The following TET3 variants were observed in gnomAD, a reference collection of about 807,000 sequenced individuals.
TET3 encodes methylcytosine dioxygenase TET3.
In TET3, 19 loss-of-function variants were observed where a neutral mutation model predicts 141.4. The ratio of observed to expected loss-of-function variants is 0.13; its 90% CI spans 0.09 to 0.20. The LOEUF (loss-of-function observed/expected upper bound fraction) is 0.20. Among genes scored for constraint, TET3 ranks in the 10% least tolerant of loss-of-function variants. The pLI, the probability that TET3 is intolerant of heterozygous loss-of-function variation, is 1.00. For synonymous variants in TET3, 1,043 were observed against 980.9 expected (o/e 1.06, Z -1.18); for missense variants, 1,874 against 2,356.9 (o/e 0.80, Z 4.24).
chr2:74,085,644 A>G (rs1690085730), intron 6 of TET3, among the ~76,000 whole-genome samples: 1 of 113,722 alleles, frequency 8.8e-6, no homozygotes, highest in African/African-American at 4.6e-5. Context: ...TCATGCTCCT[A>G]TGAGAATCTA....
intron 3 of TET3, among the ~76,000 whole-genome samples, chr2:74,020,542 G>C (rs115869093): frequency 5.9e-5 from 9 of 152,328 alleles, no homozygotes; most frequent in Non-Finnish European, 1.0e-4. Flanking sequence ...TTCCTTGATG[G>C]AGCTGTCTGG....
chr2:74,098,708 C>T (rs1391269942), intron 10 of TET3, among the ~76,000 whole-genome samples: 1 of 151,612 alleles, frequency 6.6e-6, no homozygotes, highest in African/African-American at 2.4e-5. Context: ...ATTCTCCTGT[C>T]TCAGCCTCCC....
chr2:74,059,406 C>G (rs1478189954), intron 4 of TET3, among the ~76,000 whole-genome samples: 3 of 152,242 alleles, frequency 2.0e-5, no homozygotes, highest in Non-Finnish European at 4.4e-5. Flanking sequence ...GCATGCGCCA[C>G]CACACCTGGC....
chr2:74,065,824 C>A (rs1271170836), intron 4 of TET3, among the ~76,000 whole-genome samples: 1 of 151,278 alleles, frequency 6.6e-6, no homozygotes, highest in Non-Finnish European at 1.5e-5. Context: ...AGTGGTGCGA[C>A]CTCAGCTCAC....
chr2:74,067,492 T>C (rs1273448659), intron 4 of TET3, among the ~76,000 whole-genome samples: 2 of 152,236 alleles, frequency 1.3e-5, no homozygotes, highest in Admixed American at 1.3e-4. Context: ...AAGTAACTCA[T>C]TGTAGTTGCC....
chr2:74,132,894 T>A, the TET3 span, among the ~76,000 whole-genome samples: 1 of 151,942 alleles, frequency 6.6e-6, no homozygotes, highest in Non-Finnish European at 1.5e-5. Flanking sequence ...CTTTTCTTTT[T>A]TTTTGTTCTT....
intron 7 of TET3, 43 bp downstream of exon 7, chr2:74,088,081 T>C: frequency 6.5e-7 from 1 of 1,529,972 alleles, no homozygotes; most frequent in Non-Finnish European, 8.8e-7. Flanking sequence ...ACCTATAGGG[T>C]CCTGGGCAGC....
At position 74,080,854 on chromosome 2, in the gene TET3, G is replaced by A. The variant is rs190306841; in HGVS notation, c.2679+263G>A. On this transcript the variant is annotated intron_variant, in intron 6 of 11. Transcript: ENST00000409262. ...ATGCCAGTCCCCGAGTCTTGGGTCA[G>A]CCTTGGAACTGTGTTAGTCTTCACA... Among the ~76,000 whole-genome samples, 411 of 152,294 alleles carry A rather than the reference G, an allele frequency of 2.7e-3. 3 individuals carry two copies. Among genetic ancestry groups the A allele is most frequent in the Middle Eastern group, 0.017 (5 of 294 alleles).
downstream of TET3, among the ~76,000 whole-genome samples, chr2:74,109,624 C>T (rs772585879): frequency 2.0e-5 from 3 of 152,232 alleles, no homozygotes; most frequent in Admixed American, 6.5e-5. Flanking sequence ...CGCTGAGAAG[C>T]GTTGCAGTAA....
At chr2:74,091,725 C>G (rs567811462) in intron 8 of TET3, among the ~76,000 whole-genome samples, 62 of 152,354 alleles carry the variant, frequency 4.1e-4, no homozygotes, top group African/African-American at 1.5e-3. Context: ...TCTCTTTCCT[C>G]TCTTCCTGCT....
intron 4 of TET3, among the ~76,000 whole-genome samples, chr2:74,052,542 C>T (rs1687999973): frequency 8.2e-6 from 1 of 121,994 alleles, no homozygotes; most frequent in African/African-American, 3.4e-5. Flanking sequence ...TAAAAGCATA[C>T]AAGTTCCTAT....
chr2:74,029,599 A>G (rs945923620), intron 3 of TET3, among the ~76,000 whole-genome samples: 3 of 152,220 alleles, frequency 2.0e-5, no homozygotes, highest in Non-Finnish European at 4.4e-5. Context: ...TGTATGTTGC[A>G]TAGTTAAAAA....
chr2:74,135,399 A>G, the TET3 span: 9 of 903,528 alleles, frequency 1.0e-5, no homozygotes, highest in Non-Finnish European at 1.4e-5. Flanking sequence ...AACATTACTA[A>G]TGACCCTTCA....
At chr2:74,052,434 G>A (rs1228151150) in intron 4 of TET3, among the ~76,000 whole-genome samples, 1 of 151,868 alleles carries the variant, frequency 6.6e-6, no homozygotes, top group Non-Finnish European at 1.5e-5. Context: ...AGAGTTATAG[G>A]TTAATATAAG....
At chr2:74,040,883 G>A (rs1456135999) in intron 3 of TET3, among the ~76,000 whole-genome samples, 1 of 152,124 alleles carries the variant, frequency 6.6e-6, no homozygotes, top group African/African-American at 2.4e-5. Flanking sequence ...CAACAGAGCA[G>A]CAAGACCCTG....
At position 73,986,104 on chromosome 2, in the gene TET3, G is replaced by A; in HGVS notation, c.-300G>A. On this transcript the variant is annotated 5_prime_UTR_variant, in exon 2 of 12. In the 5' UTR this introduces an upstream ATG that the reference lacks. Transcript: ENST00000409262. Reference sequence around the variant, plus strand: ...ATGCCTGGGTCCAGGGTGGGTGAGGGTGAAGAACCCACCGGGCCAAGATGA... The same window carrying A: ...ATGCCTGGGTCCAGGGTGGGTGAGGATGAAGAACCCACCGGGCCAAGATGA... 1 of 263,706 alleles carries A rather than the reference G, an allele frequency of 3.8e-6. No homozygotes were observed. The highest frequency in any genetic ancestry group is 1.7e-4 in the South Asian group (1 of 5,876). The allele number at this position is 263,706 out of a possible 1,614,324, so 16.3% of individuals were successfully genotyped here. A position where few individuals can be genotyped will look rare whatever the true frequency, so the allele number is the denominator to read the frequency against.
At chr2:74,041,540 A>G (rs1687337781) in intron 3 of TET3, among the ~76,000 whole-genome samples, 1 of 152,220 alleles carries the variant, frequency 6.6e-6, no homozygotes, top group Non-Finnish European at 1.5e-5. Flanking sequence ...GTAGACCCCG[A>G]AATCAACTTA....
intron 3 of TET3, among the ~76,000 whole-genome samples, chr2:74,032,689 C>G (rs571514016): frequency 6.6e-6 from 1 of 152,048 alleles, no homozygotes; most frequent in Non-Finnish European, 1.5e-5. Context: ...CAGGGGCTTC[C>G]GTCAGGAGAG....
chr2:74,058,625 T>C (rs1688337046), intron 4 of TET3, among the ~76,000 whole-genome samples: 1 of 152,212 alleles, frequency 6.6e-6, no homozygotes, highest in Admixed American at 6.5e-5. Flanking sequence ...AAAAAACATT[T>C]TGTATTGAAA....
Sources: gnomAD v4.1 joint callset for allele counts (sites outside exome capture counted in the v4.1 genomes callset) on GRCh38, gnomAD v4.1.1 for gene constraint, MANE v1.5 for transcripts, NCBI Gene and HGNC (gene_info 2026-07-23, HGNC 2026-07-21) for gene names.